Variants in MDGA2 observed in about 807,000 individuals in gnomAD.
MDGA2 encodes the protein MAM domain-containing glycosylphosphatidylinositol anchor protein 2.
In MDGA2, 40 loss-of-function variants were observed where a neutral mutation model predicts 117.8. That is an observed-to-expected ratio of 0.34 (90% CI 0.26 to 0.44). The LOEUF (loss-of-function observed/expected upper bound fraction) is 0.44. Ranked by LOEUF, MDGA2 falls within the 20% of genes least tolerant of loss-of-function variation. The pLI is 1.00. For synonymous variants in MDGA2, 452 were observed against 439.0 expected, an observed-to-expected ratio of 1.03 and a Z score of -0.37; for missense variants, 1,123 against 1,250.6, an observed-to-expected ratio of 0.90 and a Z score of 1.54.
Position 47,187,472 on chromosome 14 carries a change from T to C in MDGA2, c.595+30549A>G, listed in dbSNP as rs374994986. ...TAACTTTGAACCACTTAAAAATTCA[T>C]TGAAATTTTTAAGTATTAAGTATTA... On this transcript the variant is annotated intron_variant, in intron 3 of 16. Transcript: ENST00000399232. 5.3e-5 allele frequency among the ~76,000 whole-genome samples: 8 copies of C among 152,186 alleles called. No homozygotes were observed. The East Asian group carries it at 1.2e-3, about 22-fold the overall frequency.
chr14:47,213,565 G>A (rs1885964286), intron 3 of MDGA2, among the ~76,000 whole-genome samples: 2 of 152,032 alleles, frequency 1.3e-5, no homozygotes, highest in Non-Finnish European at 2.9e-5. Flanking sequence ...TGATCTGCTA[G>A]ATAAATACTC....
chr14:47,528,538 A>T (rs1435816433), intron 1 of MDGA2, among the ~76,000 whole-genome samples: 1 of 152,254 alleles, frequency 6.6e-6, no homozygotes, highest in African/African-American at 2.4e-5. Flanking sequence ...GCCTGAGAAT[A>T]GATTTCCAGT....
intron 1 of MDGA2, among the ~76,000 whole-genome samples, chr14:47,464,561 T>C (rs1465952585): frequency 1.3e-5 from 2 of 151,806 alleles, no homozygotes; most frequent in African/African-American, 4.8e-5. Flanking sequence ...AGCGAAATCA[T>C]AAAGGCAATC....
At chr14:47,237,646 A>T (rs1228263750) in intron 2 of MDGA2, among the ~76,000 whole-genome samples, 2 of 152,160 alleles carry the variant, frequency 1.3e-5, no homozygotes, top group Non-Finnish European at 2.9e-5. Context: ...AAAAGTAGCA[A>T]ATTAAAACTC....
intron 6 of MDGA2, among the ~76,000 whole-genome samples, chr14:47,088,691 C>CA (rs1890999422): frequency 6.6e-6 from 1 of 152,106 alleles, no homozygotes; most frequent in Non-Finnish European, 1.5e-5. Context: ...TACCTTTCAA[C>CA]AAAAACAGTG....
intron 8 of MDGA2, chr14:46,960,691 GTATA>G (rs1184213309): frequency 6.6e-6 from 1 of 150,612 alleles, no homozygotes; most frequent in Admixed American, 6.6e-5. Flanking sequence ...ATACATATGT[GTATA>G]TATACACATA....
intron 1 of MDGA2, among the ~76,000 whole-genome samples, chr14:47,491,757 G>C (rs1894174117): frequency 6.6e-6 from 1 of 151,410 alleles, no homozygotes; most frequent in Non-Finnish European, 1.5e-5. Flanking sequence ...TTGGACAATT[G>C]TTATTTTACG....
chr14:46,925,962 A>G (rs1354179793), intron 9 of MDGA2, among the ~76,000 whole-genome samples: 1 of 152,204 alleles, frequency 6.6e-6, no homozygotes, highest in African/African-American at 2.4e-5. Context: ...CTGTTATAAC[A>G]TTCAGTGCCC....
At chr14:47,094,936 A>G (rs1406284082) in intron 6 of MDGA2, among the ~76,000 whole-genome samples, 1 of 152,022 alleles carries the variant, frequency 6.6e-6, no homozygotes, top group Non-Finnish European at 1.5e-5. Flanking sequence ...CTCAATACTA[A>G]TATTTTAAAA....
intron 1 of MDGA2, among the ~76,000 whole-genome samples, chr14:47,355,735 C>A (rs1307920916): frequency 6.6e-6 from 1 of 152,188 alleles, no homozygotes; most frequent in Non-Finnish European, 1.5e-5. Context: ...GCCTTCCCCA[C>A]CTCTACAAGA....
chr14:47,012,142 T>A (rs1887916547), intron 8 of MDGA2, among the ~76,000 whole-genome samples: 1 of 152,100 alleles, frequency 6.6e-6, no homozygotes, highest in African/African-American at 2.4e-5. Context: ...AGTGAATTAA[T>A]TTAAAAATCA....
chr14:47,322,196 T>C (rs1273432049), intron 1 of MDGA2, among the ~76,000 whole-genome samples: 1 of 152,162 alleles, frequency 6.6e-6, no homozygotes, highest in Admixed American at 6.5e-5. Flanking sequence ...GGGCCATATG[T>C]CACAGAGCAT....
intron 8 of MDGA2, among the ~76,000 whole-genome samples, chr14:46,998,284 A>C (rs1265837913): frequency 6.6e-6 from 1 of 152,108 alleles, no homozygotes; most frequent in African/African-American, 2.4e-5. Flanking sequence ...TCTCTATAAA[A>C]ACAGATGAAA....
intron 9 of MDGA2, among the ~76,000 whole-genome samples, chr14:46,927,347 A>G (rs191935702): frequency 6.6e-6 from 1 of 152,280 alleles, no homozygotes; most frequent in East Asian, 1.9e-4. Context: ...GGTTCTACCT[A>G]TTTCATTGGC....
chr14:47,221,760 A>G (rs1225034763), intron 2 of MDGA2, among the ~76,000 whole-genome samples: 5 of 151,484 alleles, frequency 3.3e-5, no homozygotes, highest in African/African-American at 9.7e-5. Context: ...TGAGAAAAAT[A>G]GGGCAAAGGT....
chr14:47,050,124 A>G (rs1259655717), intron 7 of MDGA2, among the ~76,000 whole-genome samples: 1 of 152,006 alleles, frequency 6.6e-6, no homozygotes, highest in Non-Finnish European at 1.5e-5. Context: ...AGCCCATTCC[A>G]CTGAAAGACT....
chr14:47,595,915 T>A (rs1896533912), intron 1 of MDGA2, among the ~76,000 whole-genome samples: 1 of 152,146 alleles, frequency 6.6e-6, no homozygotes, highest in Non-Finnish European at 1.5e-5. Context: ...TTTAATAAGA[T>A]CCCCATAGGG....
intron 3 of MDGA2, among the ~76,000 whole-genome samples, chr14:47,216,165 T>C (rs1886080801): frequency 6.6e-6 from 1 of 152,124 alleles, no homozygotes; most frequent in African/African-American, 2.4e-5. Context: ...AAAGGCTTTC[T>C]AGTAAAAGGA....
At chr14:47,091,735 T>C (rs1036161624) in intron 6 of MDGA2, among the ~76,000 whole-genome samples, 2 of 146,206 alleles carry the variant, frequency 1.4e-5, no homozygotes, top group African/African-American at 5.2e-5. Flanking sequence ...TGAGTTCTAG[T>C]CAATAGACTG....
Sources: gnomAD v4.1 joint callset for allele counts (sites outside exome capture counted in the v4.1 genomes callset) on GRCh38, gnomAD v4.1.1 for gene constraint, MANE v1.5 for transcripts, NCBI Gene and HGNC (gene_info 2026-07-23, HGNC 2026-07-21) for gene names.